The following TRPV1 variants were observed in gnomAD, a reference collection of about 807,000 sequenced individuals.
The protein encoded by TRPV1 is OTRPC1.
In TRPV1, 82 loss-of-function variants were observed where a neutral mutation model predicts 82.3. The ratio of observed to expected loss-of-function variants is 1.00; its 90% CI spans 0.83 to 1.20. The LOEUF (loss-of-function observed/expected upper bound fraction) is 1.20. TRPV1 is among the 50% of genes most tolerant of loss of function. The pLI is 0.00. For missense variants in TRPV1, 1,067 were observed against 1,096.8 expected (o/e 0.97, Z 0.38); for synonymous variants, 515 against 467.7 (o/e 1.10, Z -1.30).
chr17:3,582,836 TG>T (rs554649873), intron 10 of TRPV1, among the ~76,000 whole-genome samples: 91 of 138,450 alleles, frequency 6.6e-4, no homozygotes, highest in Non-Finnish European at 1.1e-3. Context: ...GGCAGGCGCC[TG>T]TAATCCCAGC....
At chr17:3,592,014 T>G in intron 3 of TRPV1, 53 bp downstream of exon 3, 2 of 1,578,618 alleles carry the variant, frequency 1.3e-6, no homozygotes. Context: ...CTGTGGCATC[T>G]CCATGGCCAG....
intron 2 of TRPV1, among the ~76,000 whole-genome samples, chr17:3,593,246 T>C (rs979864080): frequency 4.6e-5 from 7 of 152,018 alleles, no homozygotes; most frequent in African/African-American, 1.7e-4. Context: ...GCCTCCCAAG[T>C]AGCTGGGATT....
chr17:3,590,892 C>T, intron 5 of TRPV1, 72 bp downstream of exon 5: 1 of 1,476,504 alleles, frequency 6.8e-7, no homozygotes, highest in South Asian at 1.4e-5. Flanking sequence ...CAAGGAGGCC[C>T]AGGGACAACC....
intron 2 of TRPV1, among the ~76,000 whole-genome samples, chr17:3,604,705 A>G (rs554815549): frequency 6.6e-6 from 1 of 152,312 alleles, no homozygotes; most frequent in East Asian, 1.9e-4. Flanking sequence ...CAAGGCCCAG[A>G]GGCAGGCAGT....
chr17:3,572,812 A>G (rs573379626), intron 14 of TRPV1, among the ~76,000 whole-genome samples: 6 of 152,198 alleles, frequency 3.9e-5, no homozygotes, highest in East Asian at 3.9e-4. Context: ...GTGAAACCCC[A>G]TCTCTACTAA....
At chr17:3,588,470 C>T (rs560816837) in intron 7 of TRPV1, 103 bp from the exon 8 acceptor site, 2 of 1,363,364 alleles carry the variant, frequency 1.5e-6, no homozygotes, top group Admixed American at 2.2e-5. Context: ...GGTGGCCCCA[C>T]CTAAGCCCCA....
At chr17:3,570,078 G>C (rs535430610) in intron 16 of TRPV1, among the ~76,000 whole-genome samples, 13 of 152,154 alleles carry the variant, frequency 8.5e-5, no homozygotes, top group African/African-American at 2.9e-4. Flanking sequence ...CAGAGTTTCC[G>C]TGTGGGATGA....
In TRPV1 at chr17:3,575,989, C is replaced by G. The variant is rs576248435; in HGVS notation, c.1780+1137G>C. On this transcript the variant is annotated intron_variant, in intron 13 of 16. Coordinates refer to ENST00000572705, the MANE Select transcript of TRPV1 (RefSeq NM_080704.4). ...CCCTGTCATCCTAGCACTTTGGGAG[C>G]CGAGGCGGGCAGATCACTTGAGGTC... 2.0e-5 allele frequency among the ~76,000 whole-genome samples: 3 copies of G among 151,842 alleles called. No homozygotes were observed. The South Asian group carries it at 6.2e-4, about 32-fold the overall frequency.
In TRPV1 at chr17:3,566,659, G is replaced by A. The variant is rs2074766440; in HGVS notation, c.*156C>T. 2.4e-6 allele frequency: 2 copies of A among 846,586 alleles called. No individual in the cohort carries two copies. Among genetic ancestry groups the A allele is most frequent in the Non-Finnish European group, 3.5e-6 (2 of 567,584 alleles). The allele number at this position is 846,586 out of a possible 1,614,324, so 52.4% of individuals were successfully genotyped here. On this transcript the variant is annotated 3_prime_UTR_variant, in exon 17 of 17. Transcript: ENST00000572705. The stretch of plus-strand genomic sequence containing the variant: ...CATCACTCCCCATGCTTCCAAGAAC[G>A]CTTCCCACAGCTTGTCCAGCACAGA...
Position 3,588,375 on chromosome 17 carries a change from C to A in TRPV1, c.1045-8G>T. On this transcript the variant is annotated splice_polypyrimidine_tract_variant and splice_region_variant and intron_variant, in intron 7 of 16. Coordinates refer to ENST00000572705, the MANE Select transcript of TRPV1 (RefSeq NM_080704.4). ...GAGAATATAGGCCAAGACCTGCCCC[C>A]GGGGAGCAAGAGCCCGTCAGAGGCC... 1 of 1,551,534 alleles carries A rather than the reference C, an allele frequency of 6.4e-7. No individual in the cohort carries two copies. The highest frequency in any genetic ancestry group is 8.7e-7 in the Non-Finnish European group (1 of 1,146,798).
intron 14 of TRPV1, among the ~76,000 whole-genome samples, chr17:3,572,751 GGCA>G (rs898743626): frequency 1.2e-4 from 18 of 152,226 alleles, no homozygotes; most frequent in Non-Finnish European, 2.2e-4. Flanking sequence ...GGGAGGCCAA[GGCA>G]GGCAGATCAC....
intron 3 of TRPV1, 38 bp from the exon 4 acceptor site, chr17:3,591,391 C>T (rs1206066738): frequency 1.3e-6 from 2 of 1,531,008 alleles, no homozygotes; most frequent in African/African-American, 1.4e-5. Context: ...ATACCCTGGC[C>T]TCCCCTCGGC....
At chr17:3,581,450 A>G (rs1257012059) in intron 10 of TRPV1, among the ~76,000 whole-genome samples, 2 of 152,016 alleles carry the variant, frequency 1.3e-5, no homozygotes, top group African/African-American at 2.4e-5. Flanking sequence ...ACTGTACTTT[A>G]CTGTAATGTA....
chr17:3,590,044 C>A lies in TRPV1; in HGVS notation c.807G>T (p.Leu269=). The part of the protein sequence containing the change: ...TNQLGIVKFL[L]QNSWQTADIS... ...TGTCGGCCGTCTGCCAGGAGTTCTG[C>A]AGCAGGAACTTCACGATGCCCAGCT... The change falls in exon 7 of 17, where the codon CTG becomes CTT. Residue 269 remains leucine, a synonymous_variant. Coordinates refer to ENST00000572705, the MANE Select transcript of TRPV1 (RefSeq NM_080704.4). 6.3e-7 allele frequency: 1 copy of A among 1,588,658 alleles called. No homozygotes were observed. The highest frequency in any genetic ancestry group is 2.3e-5 in the East Asian group (1 of 43,338).
Position 3,565,780 on chromosome 17 carries a change from G to C in TRPV1, c.*1035C>G. The C allele has an allele frequency of 6.6e-6, 1 of 152,256 alleles. No homozygotes were observed. Among genetic ancestry groups the C allele is most frequent in the East Asian group, 1.9e-4 (1 of 5,200 alleles). The allele number at this position is 152,256 out of a possible 1,614,324, so 9.4% of individuals were successfully genotyped here. A position where few individuals can be genotyped will look rare whatever the true frequency, so the allele number is the denominator to read the frequency against. On this transcript the variant is annotated 3_prime_UTR_variant, in exon 17 of 17. Transcript: ENST00000572705. ...CCGGGCAGGTAAGAGGAGCAAGCAC[G>C]GCACAGAGAGGAAGGGCCTCTGCAT...
In TRPV1 at chr17:3,573,641, T is replaced by A. The variant is rs1319687184; in HGVS notation, c.2095A>T (p.Lys699Ter). The change falls in exon 14 of 17, where the codon AAG becomes TAG. Residue 699 changes from lysine (K) to a stop codon, truncating the protein, a stop_gained. Coordinates refer to ENST00000572705, the MANE Select transcript of TRPV1 (RefSeq NM_080704.4). LOFTEE classifies it high-confidence loss of function. ...CAACTCCACCCACCCACCTGCAGCTTCCAGATGTTCTTGCTCTCCTGTGCG... is the reference window on the plus strand; with the variant it reads ...CAACTCCACCCACCCACCTGCAGCTACCAGATGTTCTTGCTCTCCTGTGCG... ...KIAQESKNIW[K>*]LQRAITILDT... The A allele has an allele frequency of 2.5e-6, 4 of 1,589,964 alleles. No individual in the cohort carries two copies. Among genetic ancestry groups the A allele is most frequent in the Non-Finnish European group, 3.4e-6 (4 of 1,164,372 alleles).
chr17:3,577,489 G>A, intron 12 of TRPV1, 109 bp downstream of exon 12: 1 of 1,355,602 alleles, frequency 7.4e-7, no homozygotes, highest in Non-Finnish European at 1.0e-6. Context: ...GGGTAAACCA[G>A]CCCCTTCCCA....
In TRPV1 at chr17:3,590,501, G is replaced by A. The variant is rs994000798; in HGVS notation, c.605-109C>T. ...GCAGCAGCTGCTGCAGGAGGAACTGGGCAGAAAGTGCCTGGAGGACCCCCC... is the reference window on the plus strand; with the variant it reads ...GCAGCAGCTGCTGCAGGAGGAACTGAGCAGAAAGTGCCTGGAGGACCCCCC... On this transcript the variant is annotated intron_variant, in intron 5 of 16. Coordinates refer to ENST00000572705, the MANE Select transcript of TRPV1 (RefSeq NM_080704.4). 6.8e-6 allele frequency: 10 copies of A among 1,480,092 alleles called. No homozygotes were observed. The African/African-American group carries it at 9.8e-5, about 15-fold the overall frequency. 91.7% of individuals were successfully genotyped at this position (1,480,092 alleles called of 1,614,324 possible).
chr17:3,597,075 G>C (rs2150855759), intron 2 of TRPV1: 1 of 152,518 alleles, frequency 6.6e-6, no homozygotes, highest in Non-Finnish European at 1.5e-5. Context: ...TGCACTAGCA[G>C]GAGTCGCTGT....
Sources: allele counts gnomAD v4.1 joint callset (sites outside exome capture counted in the v4.1 genomes callset), GRCh38; gene constraint gnomAD v4.1.1; transcripts MANE v1.5; gene names NCBI Gene and HGNC (gene_info 2026-07-23, HGNC 2026-07-21).